The following ABCC1 variants were observed in gnomAD, a reference collection of about 807,000 sequenced individuals.
ABCC1 encodes the protein ATP binding cassette subfamily C member 1 (ABCC1 blood group).
In ABCC1, 83 loss-of-function variants were observed where a neutral mutation model predicts 172.9. The observed-to-expected ratio is 0.48, with a 90% CI of 0.40 to 0.58. The LOEUF (loss-of-function observed/expected upper bound fraction) is 0.58. Among genes scored for constraint, ABCC1 ranks in the 20% least tolerant of loss-of-function variants. The pLI, the probability that ABCC1 is intolerant of heterozygous loss-of-function variation, is 0.00. For synonymous variants in ABCC1, 937 were observed against 825.2 expected (o/e 1.14, Z -2.32); for missense variants, 1,817 against 2,002.7 (o/e 0.91, Z 1.77).
chr16:15,952,504 A>G (rs1286655227), intron 1 of ABCC1, among the ~76,000 whole-genome samples: 2 of 152,066 alleles, frequency 1.3e-5, no homozygotes, highest in African/African-American at 4.8e-5. Context: ...ATGGCCCATG[A>G]TAAGTGTTCT....
At chr16:16,008,123 T>C in intron 2 of ABCC1, 131 bp downstream of exon 2, 2 of 949,312 alleles carry the variant, frequency 2.1e-6, no homozygotes, top group Non-Finnish European at 1.6e-6. Context: ...GGCAGAAGAA[T>C]AATGTGGGAG....
intron 1 of ABCC1, among the ~76,000 whole-genome samples, chr16:15,986,653 G>A (rs77120809): frequency 1.0e-3 from 152 of 152,288 alleles, no homozygotes; most frequent in Middle Eastern, 3.4e-3. Flanking sequence ...GCCAAAAAGC[G>A]TGGGGACCTC....
chr16:16,019,211 C>T (rs923876822), intron 5 of ABCC1, among the ~76,000 whole-genome samples: 3 of 152,084 alleles, frequency 2.0e-5, no homozygotes, highest in Admixed American at 2.0e-4. Context: ...TCAAGCGATT[C>T]TTCTGCTTCA....
chr16:15,952,442 T>C (rs1209936735), intron 1 of ABCC1, among the ~76,000 whole-genome samples: 1 of 151,988 alleles, frequency 6.6e-6, no homozygotes, highest in Admixed American at 6.6e-5. Context: ...GTTTCTGGGC[T>C]ACTGTCTGCC....
intron 4 of ABCC1, among the ~76,000 whole-genome samples, chr16:16,015,171 C>T (rs971569484): frequency 1.7e-4 from 25 of 143,856 alleles, no homozygotes; most frequent in African/African-American, 6.0e-4. Flanking sequence ...GGCGGAGTCT[C>T]GCTCTGTCAC....
intron 14 of ABCC1, chr16:16,076,106 C>A: frequency 1.8e-6 from 1 of 553,266 alleles, no homozygotes; most frequent in Non-Finnish European, 3.1e-6. Context: ...GACAAAGCTG[C>A]TTGCAGTTTC....
At chr16:16,034,399 A>G (rs539399474) in intron 6 of ABCC1, among the ~76,000 whole-genome samples, 1 of 152,242 alleles carries the variant, frequency 6.6e-6, no homozygotes, top group South Asian at 2.1e-4. Context: ...AGTTACTATT[A>G]AAAAGCATCA....
chr16:16,115,065 T>G lies in ABCC1; in HGVS notation c.3379T>G (p.Phe1127Val). Residue 1127 changes from phenylalanine to valine, a missense_variant, in exon 23 of 31, where the codon TTC becomes GTC. By Grantham distance (50) the Phe-to-Val change is conservative. Coordinates refer to ENST00000399410, the MANE Select transcript of ABCC1 (RefSeq NM_004996.4). Reference sequence around the variant, plus strand: ...CATCCCGCCCCTTGGCCTCATCTACTTCTTCGTCCAGGTAAGGGGTGAGGT... The same window carrying G: ...CATCCCGCCCCTTGGCCTCATCTACGTCTTCGTCCAGGTAAGGGGTGAGGT... ...IIIPPLGLIY[F>V]FVQRFYVASS... 6.2e-7 allele frequency: 1 copy of G among 1,613,718 alleles called. No homozygotes were observed. Among genetic ancestry groups the G allele is most frequent in the South Asian group, 1.1e-5 (1 of 91,080 alleles).
chr16:16,090,647 T>G, intron 19 of ABCC1, 59 bp downstream of exon 19: 1 of 1,477,006 alleles, frequency 6.8e-7, no homozygotes, highest in Admixed American at 2.4e-5. Flanking sequence ...AAGGGCCACA[T>G]TGGCCTCTTT....
At chr16:15,949,913 C>T (rs2045826583) in intron 1 of ABCC1, 114 bp downstream of exon 1, 2 of 927,796 alleles carry the variant, frequency 2.2e-6, no homozygotes, top group Non-Finnish European at 2.7e-6. Flanking sequence ...CTGCCGGCCT[C>T]GGGGGCCCGG....
intron 1 of ABCC1, among the ~76,000 whole-genome samples, chr16:15,971,056 A>G (rs1253498074): frequency 6.6e-6 from 1 of 152,188 alleles, no homozygotes; most frequent in Non-Finnish European, 1.5e-5. Context: ...AAGGGGCAAG[A>G]AAGAAGGGAG....
rs561328442 is a variant in ABCC1 at position 15,984,593 on chromosome 16, C to T, written c.49-23223C>T. ...GAGTAGCTGAGATTACAGGTGTGTGCGCCACCAAGCTCAGCTAATTTTTGG... is the reference window on the plus strand; with the variant it reads ...GAGTAGCTGAGATTACAGGTGTGTGTGCCACCAAGCTCAGCTAATTTTTGG... On this transcript the variant is annotated intron_variant, in intron 1 of 30. Coordinates refer to ENST00000399410, the MANE Select transcript of ABCC1 (RefSeq NM_004996.4). Among the ~76,000 whole-genome samples the T allele has an allele frequency of 1.1e-4, 16 of 151,932 alleles. No homozygotes were observed. The South Asian group carries it at 1.9e-3, about 18-fold the overall frequency.
In ABCC1 at chr16:16,044,552, C is replaced by T. The variant is rs1236098174; in HGVS notation, c.912C>T (p.Ser304=). Residue 304 remains serine, a synonymous_variant, in exon 8 of 31, where the codon TCC becomes TCT. Coordinates refer to ENST00000399410, the MANE Select transcript of ABCC1 (RefSeq NM_004996.4). ...NEEVEALIVK[S]PQKEWNPSLF... ...AGGTGGAGGCTTTGATCGTCAAGTC[C>T]CCACAGAAGGAGTGGAACCCCTCTC... 6.2e-7 allele frequency: 1 copy of T among 1,614,126 alleles called. No individual in the cohort carries two copies. The highest frequency in any genetic ancestry group is 1.7e-5 in the Admixed American group (1 of 60,012).
chr16:15,980,029 G>A (rs1393218899), intron 1 of ABCC1, among the ~76,000 whole-genome samples: 1 of 152,160 alleles, frequency 6.6e-6, no homozygotes, highest in Admixed American at 6.5e-5. Flanking sequence ...AACAGTCTGG[G>A]GAGAGTGAGA....
intron 23 of ABCC1, among the ~76,000 whole-genome samples, chr16:16,118,622 G>T (rs2045009132): frequency 6.6e-6 from 1 of 151,874 alleles, no homozygotes; most frequent in Non-Finnish European, 1.5e-5. Context: ...ATAATTAGAA[G>T]ACGCAGCTGT....
chr16:16,088,125 G>A (rs1158471866), intron 18 of ABCC1, among the ~76,000 whole-genome samples: 1 of 46,544 alleles, frequency 2.1e-5, no homozygotes, highest in African/African-American at 8.9e-5. Flanking sequence ...GTGTGTATGC[G>A]TGTGTGTGTG....
At chr16:16,119,485 G>GT (rs1025972592) in intron 23 of ABCC1, among the ~76,000 whole-genome samples, 14 of 151,958 alleles carry the variant, frequency 9.2e-5, no homozygotes, top group African/African-American at 3.1e-4. Context: ...GAGGTCAGGA[G>GT]TTTGAGACCA....
chr16:16,109,124 C>G (rs1156935422), intron 21 of ABCC1, among the ~76,000 whole-genome samples: 2 of 152,166 alleles, frequency 1.3e-5, no homozygotes, highest in African/African-American at 4.8e-5. Context: ...CACATCAGAC[C>G]TGTTATCTTT....
chr16:16,038,030 A>G (rs954550220), intron 7 of ABCC1, among the ~76,000 whole-genome samples: 3 of 143,434 alleles, frequency 2.1e-5, no homozygotes, highest in Non-Finnish European at 4.5e-5. Flanking sequence ...TTCTTCATGG[A>G]GACAGAACTA....
Sources: gnomAD v4.1 joint callset for allele counts (sites outside exome capture counted in the v4.1 genomes callset) on GRCh38, gnomAD v4.1.1 for gene constraint, MANE v1.5 for transcripts, NCBI Gene and HGNC (gene_info 2026-07-23, HGNC 2026-07-21) for gene names.